Variants in GABRA3 observed in about 807,000 individuals in gnomAD.
GABRA3 encodes the protein gamma-aminobutyric acid receptor subunit alpha-3.
In GABRA3, 10 loss-of-function variants were observed where a neutral mutation model predicts 30.1. The observed-to-expected ratio is 0.33, with a 90% CI of 0.20 to 0.56. The LOEUF is 0.56. Among genes scored for constraint, GABRA3 ranks in the 20% least tolerant of loss-of-function variants. The pLI is 0.89. For missense variants in GABRA3, 233 were observed against 392.0 expected (o/e 0.59, Z 3.42); for synonymous variants, 151 against 146.8 (o/e 1.03, Z -0.21).
At chrX:152,419,497 C>G (rs1026944506) in intron 1 of GABRA3, among the ~76,000 whole-genome samples, 3 of 110,335 alleles carry the variant, frequency 2.7e-5, no homozygotes, top group Admixed American at 9.6e-5. Flanking sequence ...GACTTTATGC[C>G]AAAAAACATG....
intron 2 of GABRA3, among the ~76,000 whole-genome samples, chrX:152,361,066 G>A (rs1928486485): frequency 1.9e-5 from 2 of 102,835 alleles, no homozygotes; most frequent in South Asian, 9.2e-4. Flanking sequence ...ATTCCAGCCT[G>A]GGTAGCAGAG....
intron 9 of GABRA3, among the ~76,000 whole-genome samples, chrX:152,172,494 C>T (rs752104495): frequency 1.8e-5 from 2 of 111,374 alleles, no homozygotes; most frequent in East Asian, 5.6e-4. Flanking sequence ...ATTTGCATAC[C>T]CATGTTCACA....
At chrX:152,338,982 T>A (rs1199437107) in intron 3 of GABRA3, among the ~76,000 whole-genome samples, 1 of 111,528 alleles carries the variant, frequency 9.0e-6, no homozygotes, top group Non-Finnish European at 1.9e-5. Context: ...AGTTTTGTTA[T>A]TTATTTTCAA....
At chrX:152,433,163 C>CA (rs1016994068) in intron 1 of GABRA3, among the ~76,000 whole-genome samples, 1 of 109,313 alleles carries the variant, frequency 9.1e-6, no homozygotes, top group African/African-American at 3.3e-5. Context: ...TAATATCTAC[C>CA]AAAAAACCTA....
intron 1 of GABRA3, among the ~76,000 whole-genome samples, chrX:152,436,428 C>A (rs1392348952): frequency 9.0e-6 from 1 of 111,484 alleles, no homozygotes; most frequent in African/African-American, 3.3e-5. Flanking sequence ...TTTGTGGTAA[C>A]CAAAAATGTC....
chrX:152,215,466 A>G (rs1937703082), intron 6 of GABRA3, among the ~76,000 whole-genome samples: 1 of 111,053 alleles, frequency 9.0e-6, no homozygotes, highest in African/African-American at 3.3e-5. Context: ...ATTCATTTGT[A>G]TGTTTTCAAC....
intron 1 of GABRA3, among the ~76,000 whole-genome samples, chrX:152,448,550 T>A (rs1317272849): frequency 9.0e-6 from 1 of 111,123 alleles, no homozygotes. Context: ...AACAGCCAAG[T>A]CAGTGTTCCA....
Position 152,174,313 on chromosome X carries a change from G to C in GABRA3, c.1144-5750C>G, listed in dbSNP as rs1461247960. On this transcript the variant is annotated intron_variant, in intron 9 of 9. Transcript: ENST00000370314. ...TCCTTTGCGTATATACCCAGTAATGGGATGGCTGGGTCAAATGGTATTTCT... is the reference window on the plus strand; with the variant it reads ...TCCTTTGCGTATATACCCAGTAATGCGATGGCTGGGTCAAATGGTATTTCT... 1.6e-4 allele frequency among the ~76,000 whole-genome samples: 18 copies of C among 111,496 alleles called. 1 individual carries two copies. The Admixed American group carries it at 1.7e-3, about 11-fold the overall frequency.
intron 1 of GABRA3, among the ~76,000 whole-genome samples, chrX:152,374,337 C>CTTTTTTTTTTTTTTTTTT (rs55927249): frequency 2.4e-5 from 1 of 41,678 alleles, no homozygotes; most frequent in Non-Finnish European, 4.2e-5. Flanking sequence ...CTTTTCTTTT[C>CTTTTTTTTTTTTTTTTTT]TTTTTTTTTT....
At chrX:152,342,357 C>G (rs973625678) in intron 3 of GABRA3, among the ~76,000 whole-genome samples, 7 of 111,796 alleles carry the variant, frequency 6.3e-5, no homozygotes, top group African/African-American at 2.0e-4. Flanking sequence ...ATCTTTTGAC[C>G]AGTTTTTCTT....
chrX:152,372,075 A>G (rs1928856313), intron 1 of GABRA3, among the ~76,000 whole-genome samples: 1 of 111,277 alleles, frequency 9.0e-6, no homozygotes, highest in African/African-American at 3.3e-5. Context: ...CACCCCCATG[A>G]CTGCAATGAA....
chrX:152,418,354 G>A (rs1179214607), intron 1 of GABRA3, among the ~76,000 whole-genome samples: 1 of 111,742 alleles, frequency 8.9e-6, no homozygotes, highest in Non-Finnish European at 1.9e-5. Context: ...ATTTAATTAA[G>A]TTAGAAAAAA....
chrX:152,358,377 C>T (rs1940583905), intron 2 of GABRA3, among the ~76,000 whole-genome samples: 1 of 111,668 alleles, frequency 9.0e-6, no homozygotes, highest in African/African-American at 3.3e-5. Context: ...TATGATGCTA[C>T]TGATTTTTGT....
intron 5 of GABRA3, among the ~76,000 whole-genome samples, chrX:152,239,345 T>A (rs188153643): frequency 9.3e-6 from 1 of 107,728 alleles, no homozygotes; most frequent in African/African-American, 3.5e-5. Flanking sequence ...TTGATTGCAC[T>A]GTGGTCTGAG....
chrX:152,229,115 C>A (rs1466792539), intron 5 of GABRA3, among the ~76,000 whole-genome samples: 1 of 111,375 alleles, frequency 9.0e-6, no homozygotes, highest in African/African-American at 3.3e-5. Context: ...CCTTTTCCAA[C>A]CTTTCTCCCT....
chrX:152,393,470 C>T (rs756155944), intron 1 of GABRA3: 1 of 378,970 alleles, frequency 2.6e-6, no homozygotes, highest in African/African-American at 2.6e-5. Flanking sequence ...TATGAGCAGA[C>T]AAGCATGCTG....
At chrX:152,211,771 G>A (rs1369504931) in intron 6 of GABRA3, among the ~76,000 whole-genome samples, 1 of 110,991 alleles carries the variant, frequency 9.0e-6, no homozygotes, top group African/African-American at 3.3e-5. Flanking sequence ...AACCAGAGGT[G>A]AGCACTATTG....
chrX:152,276,062 T>A (rs1482629357), intron 4 of GABRA3, among the ~76,000 whole-genome samples: 1 of 110,601 alleles, frequency 9.0e-6, no homozygotes, highest in Non-Finnish European at 1.9e-5. Context: ...GCAATCATCT[T>A]AATACAGGCC....
At chrX:152,373,664 C>T (rs1311412308) in intron 1 of GABRA3, among the ~76,000 whole-genome samples, 1 of 111,164 alleles carries the variant, frequency 9.0e-6, no homozygotes, top group African/African-American at 3.3e-5. Flanking sequence ...TTCTAGGGTA[C>T]ATGTGCACAA....
Sources: gnomAD v4.1 joint callset for allele counts (sites outside exome capture counted in the v4.1 genomes callset) on GRCh38, gnomAD v4.1.1 for gene constraint, MANE v1.5 for transcripts, NCBI Gene and HGNC (gene_info 2026-07-23, HGNC 2026-07-21) for gene names.